The following MAPK8 variants were observed in gnomAD, a reference collection of about 807,000 sequenced individuals.
The protein encoded by MAPK8 is JUN N-terminal kinase.
A neutral mutation model predicts 52.9 loss-of-function variants in MAPK8; 13 were observed. The observed-to-expected ratio is 0.25, with a 90% CI of 0.16 to 0.39. The LOEUF is 0.39. Ranked by LOEUF, MAPK8 falls within the 10% of genes least tolerant of loss-of-function variation. MAPK8 has a pLI of 1.00. For synonymous variants in MAPK8, 191 were observed against 169.8 expected, an observed-to-expected ratio of 1.12 and a Z score of -0.97; for missense variants, 300 against 519.2, an observed-to-expected ratio of 0.58 and a Z score of 4.10.
Position 48,410,235 on chromosome 10 carries a change from T to C in MAPK8, c.450+67T>C, listed in dbSNP as rs1365708605. ...TGAGGTGAAATTCATGTAACAAAAT[T>C]AACCATTCTAAAGTGGCATTTTTAG... On this transcript the variant is annotated intron_variant, in intron 5 of 11. Transcript: ENST00000374189. 3 of 1,378,762 alleles carry C rather than the reference T, an allele frequency of 2.2e-6. No homozygotes were observed. The African/African-American group carries it at 4.4e-5, about 20-fold the overall frequency. The allele number at this position is 1,378,762 out of a possible 1,614,324, so 85.4% of individuals were successfully genotyped here. A position where few individuals can be genotyped will look rare whatever the true frequency, so the allele number is the denominator to read the frequency against.
rs181371195 is a variant in MAPK8 at position 48,342,153 on chromosome 10, C to T, written c.-50+35332C>T. 5.1e-3 allele frequency among the ~76,000 whole-genome samples: 781 copies of T among 152,262 alleles called. 5 individuals carry two copies. The highest frequency in any genetic ancestry group is 8.7e-3 in the Non-Finnish European group (589 of 68,008). ...GACGGGGTCTCTGTTGCTTAGGCTG[C>T]AGTGCAGTGGCGCTGTCACGGCTGA... is the stretch of plus-strand genomic sequence containing the variant. On this transcript the variant is annotated intron_variant, in intron 1 of 11. Transcript: ENST00000374189.
intron 11 of MAPK8, among the ~76,000 whole-genome samples, chr10:48,431,776 T>A (rs2044295506): frequency 6.6e-6 from 1 of 152,226 alleles, no homozygotes; most frequent in African/African-American, 2.4e-5. Context: ...AACTTTTTTT[T>A]ATCATAAGCT....
intron 1 of MAPK8, among the ~76,000 whole-genome samples, chr10:48,310,199 C>T (rs1251831961): frequency 6.6e-6 from 1 of 152,132 alleles, no homozygotes; most frequent in Non-Finnish European, 1.5e-5. Context: ...AGGCAAGTGC[C>T]TTAATGTTTT....
At chr10:48,394,224 T>G (rs1418333482) in intron 1 of MAPK8, among the ~76,000 whole-genome samples, 1 of 151,952 alleles carries the variant, frequency 6.6e-6, no homozygotes, top group Non-Finnish European at 1.5e-5. Flanking sequence ...GAATATCATT[T>G]CCATACACTC....
rs182752293 is a variant in MAPK8, at chr10:48,427,828, G to T, written c.1060+685G>T. 2.6e-5 allele frequency among the ~76,000 whole-genome samples: 4 copies of T among 152,250 alleles called. No individual in the cohort carries two copies. The East Asian group carries it at 5.8e-4, about 22-fold the overall frequency. ...GGAAGGTTATTCTCTTTTAGTTCAC[G>T]TATCTGCCTCTCTTGCTTTAATAAC... On this transcript the variant is annotated intron_variant, in intron 10 of 11. Transcript: ENST00000374189.
chr10:48,349,538 T>G (rs376399229), intron 1 of MAPK8, among the ~76,000 whole-genome samples: 1 of 152,082 alleles, frequency 6.6e-6, no homozygotes, highest in Non-Finnish European at 1.5e-5. Context: ...AATAATGAAA[T>G]TAAGGCAGAA....
At chr10:48,361,285 T>G (rs1486124688) in intron 1 of MAPK8, among the ~76,000 whole-genome samples, 1 of 152,202 alleles carries the variant, frequency 6.6e-6, no homozygotes, top group Non-Finnish European at 1.5e-5. Flanking sequence ...CTTTTTGCTT[T>G]TCCAGTGTGT....
Position 48,435,780 on chromosome 10 carries a change from CA to C in MAPK8, c.*754del, listed in dbSNP as rs1446781552. The C allele has an allele frequency of 1.3e-5, 2 of 152,186 alleles. No individual in the cohort carries two copies. Among genetic ancestry groups the C allele is most frequent in the African/African-American group, 4.8e-5 (2 of 41,442 alleles). 9.4% of individuals were successfully genotyped at this position (152,186 alleles called of 1,614,324 possible). On this transcript the variant is annotated 3_prime_UTR_variant, in exon 12 of 12. Transcript: ENST00000374189. ...AGTAAAAAGAATATGGTGTATTCTA[CA>C]AATTTGTGGCATGCTCAAAGTTTAT...
At chr10:48,393,800 A>C (rs1012849013) in intron 1 of MAPK8, among the ~76,000 whole-genome samples, 1 of 152,084 alleles carries the variant, frequency 6.6e-6, no homozygotes, top group Non-Finnish European at 1.5e-5. Flanking sequence ...GAATAGCTCC[A>C]AAACAAGCAA....
chr10:48,355,773 A>C (rs1846856233), intron 1 of MAPK8, among the ~76,000 whole-genome samples: 2 of 152,222 alleles, frequency 1.3e-5, no homozygotes, highest in South Asian at 4.1e-4. Flanking sequence ...TTGAAGAAGC[A>C]CAGGAACCTA....
chr10:48,358,005 A>G (rs976986831), intron 1 of MAPK8, among the ~76,000 whole-genome samples: 1 of 152,176 alleles, frequency 6.6e-6, no homozygotes, highest in African/African-American at 2.4e-5. Context: ...GTTCATCCAT[A>G]TTGTAGCAGG....
At chr10:48,351,762 A>G (rs1040450813) in intron 1 of MAPK8, among the ~76,000 whole-genome samples, 2 of 152,210 alleles carry the variant, frequency 1.3e-5, no homozygotes, top group African/African-American at 4.8e-5. Context: ...CAGGTTGAGT[A>G]TCCTTCATCT....
intron 1 of MAPK8, among the ~76,000 whole-genome samples, chr10:48,384,407 C>A (rs2041190480): frequency 6.6e-6 from 1 of 152,122 alleles, no homozygotes; most frequent in Non-Finnish European, 1.5e-5. Flanking sequence ...ATGTAAATTT[C>A]TTTTATAAAT....
chr10:48,333,838 T>C (rs574213112), intron 1 of MAPK8, among the ~76,000 whole-genome samples: 3 of 152,364 alleles, frequency 2.0e-5, no homozygotes, highest in African/African-American at 4.8e-5. Context: ...AAACAGTATC[T>C]GTGGCCTCCC....
chr10:48,397,745 C>T (rs557674612), intron 1 of MAPK8, among the ~76,000 whole-genome samples: 1 of 152,216 alleles, frequency 6.6e-6, no homozygotes, highest in South Asian at 2.1e-4. Context: ...CATATGCCAC[C>T]ACGCCCAGCT....
chr10:48,370,077 AAG>A (rs1368359925), intron 1 of MAPK8, among the ~76,000 whole-genome samples: 1 of 152,176 alleles, frequency 6.6e-6, no homozygotes, highest in African/African-American at 2.4e-5. Context: ...TGCTAGGAGA[AAG>A]AGTGATAATC....
Position 48,427,097 on chromosome 10 carries a change from T to C in MAPK8, c.1014T>C (p.Pro338=). The C allele has an allele frequency of 1.2e-6, 2 of 1,613,198 alleles. No homozygotes were observed. The highest frequency in any genetic ancestry group is 1.7e-6 in the Non-Finnish European group (2 of 1,179,440). Residue 338 remains proline, a synonymous_variant, in exon 10 of 12, where the codon CCT becomes CCC. Transcript: ENST00000374189. The part of the protein sequence containing the change: ...SEAEAPPPKI[P]DKQLDEREHT... ...TTTTTCAGCCACCACCAAAGATCCC[T>C]GACAAGCAGTTAGATGAAAGGGAAC...
At chr10:48,329,545 A>G (rs2132235761) in intron 1 of MAPK8, among the ~76,000 whole-genome samples, 1 of 152,202 alleles carries the variant, frequency 6.6e-6, no homozygotes, top group African/African-American at 2.4e-5. Flanking sequence ...CATTTAGAGT[A>G]TGAATTTTAA....
chr10:48,366,672 T>C (rs1298385713), intron 1 of MAPK8, among the ~76,000 whole-genome samples: 3 of 152,188 alleles, frequency 2.0e-5, no homozygotes, highest in Non-Finnish European at 4.4e-5. Context: ...TAATATTCTT[T>C]ATTCTCTTCT....
Sources: gnomAD v4.1 joint callset for allele counts (sites outside exome capture counted in the v4.1 genomes callset) on GRCh38, gnomAD v4.1.1 for gene constraint, MANE v1.5 for transcripts, NCBI Gene and HGNC (gene_info 2026-07-23, HGNC 2026-07-21) for gene names.